The following FGF14 variants were observed in gnomAD, a reference collection of about 807,000 sequenced individuals.
FGF14 encodes fibroblast growth factor 14.
In FGF14, 5 loss-of-function variants were observed where a neutral mutation model predicts 25.5. That is an observed-to-expected ratio of 0.20 (90% CI 0.10 to 0.41). The LOEUF is 0.41. FGF14 is among the 10% of genes least tolerant of loss of function. FGF14 has a pLI of 1.00. For missense variants in FGF14, 222 were observed against 320.1 expected (o/e 0.69, Z 2.34); for synonymous variants, 138 against 118.3 (o/e 1.17, Z -1.08).
chr13:102,064,188 C>G (rs1341433419), intron 1 of FGF14, among the ~76,000 whole-genome samples: 1 of 152,142 alleles, frequency 6.6e-6, no homozygotes, highest in South Asian at 2.1e-4. Context: ...TAAGGTACCA[C>G]CAGGCATAAA....
chr13:102,166,359 T>C (rs984869382), intron 1 of FGF14, among the ~76,000 whole-genome samples: 7 of 152,250 alleles, frequency 4.6e-5, no homozygotes, highest in Admixed American at 1.3e-4. Flanking sequence ...ATTTATATTA[T>C]AACCCCAAAA....
At chr13:101,907,314 T>C (rs1044073096) in intron 1 of FGF14, among the ~76,000 whole-genome samples, 1 of 152,116 alleles carries the variant, frequency 6.6e-6, no homozygotes, top group African/African-American at 2.4e-5. Flanking sequence ...ATGGAATAGT[T>C]AACGTATTAA....
rs188785397 is a variant in FGF14 at position 101,910,232 on chromosome 13, A to G, written c.193+6221T>C. Among the ~76,000 whole-genome samples the G allele has an allele frequency of 3.0e-3, 451 of 152,034 alleles. 3 individuals carry two copies. Among genetic ancestry groups the G allele is most frequent in the African/African-American group, 0.01 (429 of 41,442 alleles). On this transcript the variant is annotated intron_variant, in intron 1 of 4. Transcript: ENST00000376143. ...GCTTTGTGCACATGTACCCTAAAAC[A>G]TAAAGTATAAAAAAATAAATAAAAT...
At chr13:102,034,743 C>T (rs538793517) in intron 1 of FGF14, among the ~76,000 whole-genome samples, 287 of 152,268 alleles carry the variant, frequency 1.9e-3, no homozygotes, top group African/African-American at 6.8e-3. Context: ...TCCTGCCCCT[C>T]ACAGGGATGT....
At chr13:101,960,382 A>G (rs901498712) in intron 1 of FGF14, among the ~76,000 whole-genome samples, 2 of 152,064 alleles carry the variant, frequency 1.3e-5, no homozygotes, top group African/African-American at 4.8e-5. Context: ...ACAGGCCCCA[A>G]TGTGTGATCT....
At chr13:102,056,944 T>C (rs576463630) in intron 1 of FGF14, among the ~76,000 whole-genome samples, 2 of 151,614 alleles carry the variant, frequency 1.3e-5, no homozygotes, top group Admixed American at 1.3e-4. Flanking sequence ...AAATAATTTG[T>C]TTTTCAACTT....
chr13:102,296,850 A>T (rs2054738667), intron 1 of FGF14, among the ~76,000 whole-genome samples: 1 of 152,166 alleles, frequency 6.6e-6, no homozygotes, highest in Non-Finnish European at 1.5e-5. Context: ...AAAGAGGCCA[A>T]ACTATTGCAT....
intron 1 of FGF14, among the ~76,000 whole-genome samples, chr13:102,036,038 C>G (rs9585839): frequency 0.04 from 6,027 of 152,102 alleles, 388 homozygotes; most frequent in African/African-American, 0.14. Flanking sequence ...CAGCTACAGG[C>G]TGTAAGCTGG....
At chr13:102,031,285 C>T (rs983165302) in intron 1 of FGF14, among the ~76,000 whole-genome samples, 6 of 151,980 alleles carry the variant, frequency 3.9e-5, no homozygotes, top group African/African-American at 1.2e-4. Flanking sequence ...TAAAATTGTT[C>T]TTTATTATAA....
chr13:102,379,232 T>G (rs1382432793), intron 1 of FGF14, among the ~76,000 whole-genome samples: 1 of 152,074 alleles, frequency 6.6e-6, no homozygotes, highest in African/African-American at 2.4e-5. Flanking sequence ...TTAAAGGCAT[T>G]AGAAACATAC....
chr13:102,218,353 C>A lies in FGF14; in HGVS notation c.208+183118G>T, dbSNP rs571838749. 3.2e-4 allele frequency among the ~76,000 whole-genome samples: 48 copies of A among 152,106 alleles called. No homozygotes were observed. The South Asian group carries it at 3.7e-3, about 12-fold the overall frequency. On this transcript the variant is annotated intron_variant, in intron 1 of 4. Coordinates refer to the FGF14 transcript ENST00000376131. ...CTCCACAAGAAAAGGGTCTACCAGGCCCACGCTGGACCTGCAGCACGTGGG... is the reference window on the plus strand; with the variant it reads ...CTCCACAAGAAAAGGGTCTACCAGGACCACGCTGGACCTGCAGCACGTGGG...
intron 1 of FGF14, among the ~76,000 whole-genome samples, chr13:102,158,279 A>C (rs1054464333): frequency 6.6e-6 from 1 of 152,234 alleles, no homozygotes; most frequent in African/African-American, 2.4e-5. Context: ...CCAAATGTCC[A>C]ACAATCATAG....
intron 3 of FGF14, among the ~76,000 whole-genome samples, chr13:101,817,188 T>C (rs1021994963): frequency 6.6e-6 from 1 of 152,346 alleles, no homozygotes; most frequent in South Asian, 2.1e-4. Context: ...GGTTTCTCAG[T>C]GAGCATCAGA....
chr13:102,263,046 G>T, intron 1 of FGF14: 1 of 649,796 alleles, frequency 1.5e-6, no homozygotes, highest in Admixed American at 1.9e-5. Flanking sequence ...ATTCCTCATA[G>T]ACCCAGCTTG....
intron 3 of FGF14, among the ~76,000 whole-genome samples, chr13:101,763,776 C>T (rs1033896148): frequency 3.3e-5 from 5 of 152,144 alleles, no homozygotes; most frequent in African/African-American, 1.2e-4. Context: ...AGGAGAATGG[C>T]TTGAACCTGG....
At chr13:102,369,337 A>G (rs1238548646) in intron 1 of FGF14, among the ~76,000 whole-genome samples, 1 of 152,142 alleles carries the variant, frequency 6.6e-6, no homozygotes, top group Non-Finnish European at 1.5e-5. Context: ...AAGACAATAA[A>G]TTGCCCAGAT....
intron 1 of FGF14, among the ~76,000 whole-genome samples, chr13:102,385,284 G>T (rs1252925708): frequency 2.0e-5 from 3 of 152,132 alleles, no homozygotes; most frequent in African/African-American, 7.2e-5. Context: ...ACCTATAGAA[G>T]AACCTATAAT....
At chr13:101,784,626 T>C (rs887225749) in intron 3 of FGF14, among the ~76,000 whole-genome samples, 2 of 152,224 alleles carry the variant, frequency 1.3e-5, no homozygotes. Flanking sequence ...TTTTCAATGT[T>C]TGAATGGTAA....
chr13:102,309,951 TTTAA>T (rs1436378742), intron 1 of FGF14, among the ~76,000 whole-genome samples: 1 of 152,226 alleles, frequency 6.6e-6, no homozygotes, highest in African/African-American at 2.4e-5. Flanking sequence ...CTCCATGACC[TTTAA>T]TTGTTTTTTA....
Sources: gnomAD v4.1 joint callset for allele counts (sites outside exome capture counted in the v4.1 genomes callset) on GRCh38, gnomAD v4.1.1 for gene constraint, MANE v1.5 for transcripts, NCBI Gene and HGNC (gene_info 2026-07-23, HGNC 2026-07-21) for gene names.